The following ST6GALNAC3 variants were observed in gnomAD, a reference collection of about 807,000 sequenced individuals.
ST6GALNAC3 encodes the protein ST6 N-acetylgalactosaminide alpha-2,6-sialyltransferase 3.
A neutral mutation model predicts 32.7 loss-of-function variants in ST6GALNAC3; 25 were observed. The ratio of observed to expected loss-of-function variants is 0.76; its 90% CI spans 0.56 to 1.07. The LOEUF is 1.07. ST6GALNAC3 is among the 50% of genes least tolerant of loss of function. The pLI is 0.00. For synonymous variants in ST6GALNAC3, 129 were observed against 133.1 expected, an observed-to-expected ratio of 0.97 and a Z score of 0.21; for missense variants, 355 against 382.4, an observed-to-expected ratio of 0.93 and a Z score of 0.60.
chr1:76,329,288 G>A (rs1044762851), intron 2 of ST6GALNAC3, among the ~76,000 whole-genome samples: 1 of 152,078 alleles, frequency 6.6e-6, no homozygotes, highest in African/African-American at 2.4e-5. Flanking sequence ...AGGCTACATA[G>A]TCATGCCCAT....
At chr1:76,238,819 A>G (rs1183013206) in intron 1 of ST6GALNAC3, among the ~76,000 whole-genome samples, 5 of 152,132 alleles carry the variant, frequency 3.3e-5, no homozygotes, top group African/African-American at 7.2e-5. Context: ...GATGGATCCT[A>G]TACTTACTGA....
chr1:76,387,691 G>A (rs552696278), intron 2 of ST6GALNAC3, among the ~76,000 whole-genome samples: 29 of 152,116 alleles, frequency 1.9e-4, no homozygotes, highest in Non-Finnish European at 3.4e-4. Flanking sequence ...TTAAATTATA[G>A]CACTAAGTAA....
At chr1:76,532,123 C>T (rs762826609) in intron 3 of ST6GALNAC3, among the ~76,000 whole-genome samples, 1 of 152,140 alleles carries the variant, frequency 6.6e-6, no homozygotes, top group East Asian at 1.9e-4. Flanking sequence ...TCTTTTTCCT[C>T]TCCTGGATTC....
intron 1 of ST6GALNAC3, among the ~76,000 whole-genome samples, chr1:76,145,893 A>C (rs1211658198): frequency 6.6e-6 from 1 of 152,244 alleles, no homozygotes; most frequent in Non-Finnish European, 1.5e-5. Context: ...TGGATTTACA[A>C]GTGATTAATT....
chr1:76,085,136 G>A (rs567358563), intron 1 of ST6GALNAC3, among the ~76,000 whole-genome samples: 1 of 152,246 alleles, frequency 6.6e-6, no homozygotes, highest in South Asian at 2.1e-4. Context: ...GTTGACAGGT[G>A]AAAATGATAT....
At chr1:76,388,344 G>A (rs962753795) in intron 2 of ST6GALNAC3, among the ~76,000 whole-genome samples, 12 of 152,116 alleles carry the variant, frequency 7.9e-5, no homozygotes, top group African/African-American at 2.2e-4. Context: ...TCCATGGAAC[G>A]CCAATTCATA....
chr1:76,481,806 A>C (rs942050625), intron 3 of ST6GALNAC3, among the ~76,000 whole-genome samples: 1 of 152,188 alleles, frequency 6.6e-6, no homozygotes, highest in African/African-American at 2.4e-5. Context: ...ATATCTAAGC[A>C]TATGCAAAAG....
At chr1:76,243,771 G>A (rs1033075249) in intron 1 of ST6GALNAC3, among the ~76,000 whole-genome samples, 1 of 152,162 alleles carries the variant, frequency 6.6e-6, no homozygotes, top group African/African-American at 2.4e-5. Flanking sequence ...TAGATGTGTG[G>A]TGTTATTTCT....
At chr1:76,346,136 C>T (rs569027109) in intron 2 of ST6GALNAC3, among the ~76,000 whole-genome samples, 1 of 152,130 alleles carries the variant, frequency 6.6e-6, no homozygotes, top group Non-Finnish European at 1.5e-5. Flanking sequence ...TTGTCTTTTG[C>T]CTCCAGATTA....
intron 1 of ST6GALNAC3, among the ~76,000 whole-genome samples, chr1:76,284,661 T>C (rs1659678990): frequency 6.6e-6 from 1 of 152,090 alleles, no homozygotes; most frequent in Non-Finnish European, 1.5e-5. Flanking sequence ...TTAGGACTAT[T>C]ATAGAAATGA....
At position 76,330,148 on chromosome 1, in the gene ST6GALNAC3, G is replaced by T. The variant is rs557758778; in HGVS notation, c.213+16149G>T. Among the ~76,000 whole-genome samples, 143 of 150,926 alleles carry T rather than the reference G, an allele frequency of 9.5e-4. 6 individuals are homozygous for T. The South Asian group carries it at 0.029, about 31-fold the overall frequency. On this transcript the variant is annotated intron_variant, in intron 2 of 4. Coordinates refer to ENST00000328299, the MANE Select transcript of ST6GALNAC3 (RefSeq NM_152996.4). ...AATATTAAACAAATAAACACAGGAG[G>T]GTTAAGTAATTTTTTTTTTCTTGAG...
intron 2 of ST6GALNAC3, among the ~76,000 whole-genome samples, chr1:76,385,921 A>G (rs954395419): frequency 6.6e-6 from 1 of 152,100 alleles, no homozygotes. Context: ...GAGTCACTTT[A>G]TGACCCTGAG....
At chr1:76,130,000 T>C (rs1394780140) in intron 1 of ST6GALNAC3, among the ~76,000 whole-genome samples, 1 of 152,168 alleles carries the variant, frequency 6.6e-6, no homozygotes, top group Non-Finnish European at 1.5e-5. Context: ...TTTGGCCCAT[T>C]CCTGCATTTG....
At chr1:76,354,018 C>G (rs1348959697) in intron 2 of ST6GALNAC3, 1 of 165,260 alleles carries the variant, frequency 6.1e-6, no homozygotes, top group Non-Finnish European at 1.3e-5. Flanking sequence ...TTTCAAACAC[C>G]ACTAATGCCA....
intron 2 of ST6GALNAC3, among the ~76,000 whole-genome samples, chr1:76,360,255 A>G (rs1649820857): frequency 6.6e-6 from 1 of 152,178 alleles, no homozygotes; most frequent in Non-Finnish European, 1.5e-5. Context: ...CTAAATGTCC[A>G]TAAGTCTACA....
At chr1:76,385,320 A>T (rs1376457500) in intron 2 of ST6GALNAC3, among the ~76,000 whole-genome samples, 2 of 152,110 alleles carry the variant, frequency 1.3e-5, no homozygotes, top group Non-Finnish European at 2.9e-5. Context: ...TTTATTATGG[A>T]ACTAGATATA....
intron 1 of ST6GALNAC3, among the ~76,000 whole-genome samples, chr1:76,285,601 TGTA>T (rs1252534567): frequency 6.7e-6 from 1 of 149,208 alleles, no homozygotes; most frequent in Non-Finnish European, 1.5e-5. Flanking sequence ...CTTATGCCAA[TGTA>T]GTCCTAAAAT....
chr1:76,605,482 A>G (rs1053578188), intron 3 of ST6GALNAC3, among the ~76,000 whole-genome samples: 1 of 152,148 alleles, frequency 6.6e-6, no homozygotes, highest in African/African-American at 2.4e-5. Flanking sequence ...ATTTTTTGCA[A>G]TCTTTCTATC....
At chr1:76,510,359 T>C (rs1661772665) in intron 3 of ST6GALNAC3, among the ~76,000 whole-genome samples, 1 of 151,578 alleles carries the variant, frequency 6.6e-6, no homozygotes, top group Non-Finnish European at 1.5e-5. Context: ...GAGGACTTTG[T>C]GCCAGGTGGG....
Sources: allele counts gnomAD v4.1 joint callset (sites outside exome capture counted in the v4.1 genomes callset), GRCh38; gene constraint gnomAD v4.1.1; transcripts MANE v1.5; gene names NCBI Gene and HGNC (gene_info 2026-07-23, HGNC 2026-07-21).